GUCY2F: variants seen among roughly 807,000 people sequenced by gnomAD.
The protein encoded by GUCY2F is retinal guanylyl cyclase 2.
In GUCY2F, 61 loss-of-function variants were observed where a neutral mutation model predicts 73.1. The ratio of observed to expected loss-of-function variants is 0.83; its 90% CI spans 0.68 to 1.03. The LOEUF (loss-of-function observed/expected upper bound fraction) is 1.03, where lower values mean the gene tolerates loss of function less well. Among genes scored for constraint, GUCY2F ranks in the 50% least tolerant of loss-of-function variants. GUCY2F has a pLI of 0.00. For synonymous variants in GUCY2F, 331 were observed against 307.8 expected, an observed-to-expected ratio of 1.08 and a Z score of -0.79; for missense variants, 912 against 854.3, an observed-to-expected ratio of 1.07 and a Z score of -0.84.
intron 6 of GUCY2F, among the ~76,000 whole-genome samples, chrX:109,446,166 G>C (rs1932001792): frequency 8.9e-6 from 1 of 111,947 alleles, no homozygotes; most frequent in South Asian, 3.7e-4. Context: ...TCATGAATAA[G>C]AAGAATCAAT....
At position 109,441,469 on chromosome X, in the gene GUCY2F, G is replaced by A; in HGVS notation, c.1583C>T (p.Ala528Val). ...PHFGSKRGSRASVSFQITSEV... is the reference protein window; with the variant it reads ...PHFGSKRGSRVSVSFQITSEV... ...TGAGGTAATCTGGAAGCTTACACTGGCACGACTTCCTCTCTGTGAAAGGAT... is the reference window on the plus strand; with the variant it reads ...TGAGGTAATCTGGAAGCTTACACTGACACGACTTCCTCTCTGTGAAAGGAT... Residue 528 changes from alanine to valine, a missense_variant, in exon 7 of 20, where the codon GCC becomes GTC. By Grantham distance (64) the Ala-to-Val change is moderately conservative. Coordinates refer to ENST00000218006, the MANE Select transcript of GUCY2F (RefSeq NM_001522.3). 8.5e-7 allele frequency: 1 copy of A among 1,175,513 alleles called. No homozygotes were observed. The highest frequency in any genetic ancestry group is 1.1e-6 in the Non-Finnish European group (1 of 875,971).
chrX:109,381,383 A>G (rs780646283), intron 17 of GUCY2F, among the ~76,000 whole-genome samples: 8 of 111,549 alleles, frequency 7.2e-5, no homozygotes, highest in African/African-American at 2.3e-4. Context: ...TGCTCAAACT[A>G]CTTCACCTCT....
At chrX:109,408,628 G>C (rs112112822) in intron 9 of GUCY2F, among the ~76,000 whole-genome samples, 1 of 111,967 alleles carries the variant, frequency 8.9e-6, no homozygotes, top group South Asian at 3.8e-4. Context: ...TAATTGAATC[G>C]TGAGGGCTGG....
chrX:109,445,742 C>A (rs1413296594), intron 6 of GUCY2F, among the ~76,000 whole-genome samples: 1 of 111,691 alleles, frequency 9.0e-6, no homozygotes, highest in African/African-American at 3.3e-5. Flanking sequence ...CTCACCACTC[C>A]TATTCAACAT....
intron 7 of GUCY2F, among the ~76,000 whole-genome samples, chrX:109,430,942 C>G (rs1931596561): frequency 9.0e-6 from 1 of 111,366 alleles, no homozygotes; most frequent in Non-Finnish European, 1.9e-5. Context: ...ATCCAATTGT[C>G]TTTAATCTAG....
intron 12 of GUCY2F, among the ~76,000 whole-genome samples, chrX:109,394,397 G>A (rs1018672331): frequency 8.9e-6 from 1 of 112,224 alleles, no homozygotes; most frequent in Non-Finnish European, 1.9e-5. Context: ...GTGTCCTCAA[G>A]AAACTCAGCC....
chrX:109,436,499 G>T (rs1325623540), intron 7 of GUCY2F, among the ~76,000 whole-genome samples: 1 of 110,968 alleles, frequency 9.0e-6, no homozygotes, highest in African/African-American at 3.3e-5. Flanking sequence ...TGTTTATTGC[G>T]GCACTATTCA....
chrX:109,395,501 C>A lies in GUCY2F; in HGVS notation c.2276-12G>T, dbSNP rs763178985. 2 of 1,184,496 alleles carry A rather than the reference C, an allele frequency of 1.7e-6. No individual in the cohort carries two copies. Among genetic ancestry groups the A allele is most frequent in the Non-Finnish European group, 2.3e-6 (2 of 877,020 alleles). On this transcript the variant is annotated splice_polypyrimidine_tract_variant and intron_variant, in intron 11 of 19. Coordinates refer to ENST00000218006, the MANE Select transcript of GUCY2F (RefSeq NM_001522.3). ...TCTGTTTATGATTTCTGTCCAGATG[C>A]GAGAAGAGAACCGTTTACAAATCAT...
chrX:109,453,356 C>A, intron 4 of GUCY2F, 149 bp downstream of exon 4: 1 of 401,814 alleles, frequency 2.5e-6, no homozygotes, highest in South Asian at 5.4e-5. Flanking sequence ...TTTAAATTAA[C>A]TAGATAGAGT....
chrX:109,467,844 C>G (rs1348593589), intron 2 of GUCY2F, among the ~76,000 whole-genome samples: 1 of 112,418 alleles, frequency 8.9e-6, no homozygotes, highest in Non-Finnish European at 1.9e-5. Flanking sequence ...TCAGCAAACA[C>G]TACAAATCAA....
intron 2 of GUCY2F, among the ~76,000 whole-genome samples, chrX:109,467,218 C>T (rs191547106): frequency 8.9e-6 from 1 of 112,155 alleles, no homozygotes; most frequent in East Asian, 2.8e-4. Flanking sequence ...GAAAGTAGAA[C>T]TGAAGACCTC....
intron 7 of GUCY2F, among the ~76,000 whole-genome samples, chrX:109,435,705 C>T (rs149172021): frequency 0.023 from 2,599 of 111,039 alleles, 93 homozygotes; most frequent in African/African-American, 0.081. Context: ...TGTCTTGTGC[C>T]AGTTTTCAAA....
rs55966326 is a variant in GUCY2F, at chrX:109,465,260, C to T, written c.914G>A (p.Arg305Gln). 9.2e-5 allele frequency: 111 copies of T among 1,207,963 alleles called. No individual in the cohort carries two copies. Among genetic ancestry groups the T allele is most frequent in the Non-Finnish European group, 1.1e-4 (100 of 893,595 alleles). The change falls in exon 3 of 20, where the codon CGG (arginine) becomes CAG (glutamine). Residue 305 changes from arginine (R) to glutamine (Q), a missense_variant. Arg to Gln is a conservative substitution (Grantham distance 43). Coordinates refer to ENST00000218006, the MANE Select transcript of GUCY2F (RefSeq NM_001522.3). ...GGTCAACACTGCATCATAGGCTTCC[C>T]GGAGCTTTGGGTTGTTCCTTAGGAC... Reference protein sequence around the residue: ...YRVLRNNPKLREAYDAVLTIT... With the variant: ...YRVLRNNPKLQEAYDAVLTIT...
At chrX:109,463,562 C>T (rs1397301546) in intron 3 of GUCY2F, among the ~76,000 whole-genome samples, 12 of 108,736 alleles carry the variant, frequency 1.1e-4, no homozygotes, top group East Asian at 2.9e-4. Context: ...CTCAGCCTCC[C>T]GAGTAGCTGG....
At position 109,395,501 on chromosome X, in the gene GUCY2F, C is replaced by T. The variant is rs763178985; in HGVS notation, c.2276-12G>A. On this transcript the variant is annotated splice_polypyrimidine_tract_variant and intron_variant, in intron 11 of 19. Coordinates refer to ENST00000218006, the MANE Select transcript of GUCY2F (RefSeq NM_001522.3). ...TCTGTTTATGATTTCTGTCCAGATG[C>T]GAGAAGAGAACCGTTTACAAATCAT... is the stretch of plus-strand genomic sequence containing the variant. 11 of 1,182,913 alleles carry T rather than the reference C, an allele frequency of 9.3e-6. No individual in the cohort carries two copies. In the East Asian group the frequency reaches 1.5e-4, roughly 16 times the overall value.
At chrX:109,433,923 AGGACTTACTAGGTGATTTCT>A (rs1421818645) in intron 7 of GUCY2F, among the ~76,000 whole-genome samples, 1 of 110,812 alleles carries the variant, frequency 9.0e-6, no homozygotes, top group African/African-American at 3.3e-5. Context: ...ATGATTCTTT[AGGACTTACTAGGTGATTTCT>A]GGACTTACTA....
At position 109,391,922 on chromosome X, in the gene GUCY2F, C is replaced by T. The variant is rs376015221; in HGVS notation, c.2770G>A (p.Asp924Asn). 8.4e-7 allele frequency: 1 copy of T among 1,194,308 alleles called. No homozygotes were observed. Among genetic ancestry groups the T allele is most frequent in the African/African-American group, 1.7e-5 (1 of 57,341 alleles). Reference sequence around the variant, plus strand: ...GCTAATTAACCTACCTTGTAGACATCATGACTGCCAATTATTGCATCAAAG... The same window carrying T: ...GCTAATTAACCTACCTTGTAGACATTATGACTGCCAATTATTGCATCAAAG... ...TLFDAIIGSH[D>N]VYKVETIGDA... Residue 924 changes from aspartate to asparagine, a missense_variant, in exon 14 of 20, where the codon GAT becomes AAT. Coordinates refer to ENST00000218006, the MANE Select transcript of GUCY2F (RefSeq NM_001522.3).
chrX:109,448,241 T>C lies in GUCY2F; in HGVS notation c.1473-76A>G, dbSNP rs1932066556. The C allele has an allele frequency of 7.5e-6, 4 of 534,491 alleles. No individual in the cohort carries two copies. The Admixed American group carries it at 1.0e-4, about 14-fold the overall frequency. The allele number at this position is 534,491 out of a possible 1,213,427, so 44.0% of individuals were successfully genotyped here. On this transcript the variant is annotated intron_variant, in intron 5 of 19. Transcript: ENST00000218006. ...AAGCCAGGGTTAATTTGCCCTAAGA[T>C]AGCACTTAAAGAATATACAAGGTAT...
intron 8 of GUCY2F, among the ~76,000 whole-genome samples, chrX:109,411,952 T>G (rs1200185116): frequency 8.9e-6 from 1 of 111,953 alleles, no homozygotes; most frequent in Non-Finnish European, 1.9e-5. Context: ...TAAAACCATA[T>G]TGTTAAAACC....
Sources: gnomAD v4.1 joint callset for allele counts (sites outside exome capture counted in the v4.1 genomes callset) on GRCh38, gnomAD v4.1.1 for gene constraint, MANE v1.5 for transcripts, NCBI Gene and HGNC (gene_info 2026-07-23, HGNC 2026-07-21) for gene names.